FAM13A: variants seen among roughly 807,000 people sequenced by gnomAD.
FAM13A encodes family with sequence similarity 13 member A, also known as protein FAM13A.
A neutral mutation model predicts 129.6 loss-of-function variants in FAM13A; 76 were observed. The ratio of observed to expected loss-of-function variants is 0.59; its 90% CI spans 0.49 to 0.71. FAM13A has a LOEUF of 0.71. Among genes scored for constraint, FAM13A ranks in the 30% least tolerant of loss-of-function variants. FAM13A has a pLI of 0.00. For missense variants in FAM13A, 1,108 were observed against 1,249.3 expected (o/e 0.89, Z 1.70); for synonymous variants, 443 against 449.9 (o/e 0.98, Z 0.20).
At chr4:88,800,454 G>T (rs887717215) in intron 8 of FAM13A, among the ~76,000 whole-genome samples, 1 of 152,114 alleles carries the variant, frequency 6.6e-6, no homozygotes, top group African/African-American at 2.4e-5. Context: ...GGAGGCCGAG[G>T]TGGGCAGATC....
chr4:88,758,786 A>G lies in FAM13A; in HGVS notation c.1694T>C (p.Leu565Pro). 1 of 1,614,070 alleles carries G rather than the reference A, an allele frequency of 6.2e-7. No individual in the cohort carries two copies. Among genetic ancestry groups the G allele is most frequent in the Non-Finnish European group, 8.5e-7 (1 of 1,179,914 alleles). ...GTTCTTTTCATCACACAATGCAGTC[A>G]GGTCCGACTGGGGCACTTCGGAGAC... ...SFVSEVPQSDLTALCDEKNWE... is the reference protein window; with the variant it reads ...SFVSEVPQSDPTALCDEKNWE... Residue 565 changes from leucine (L) to proline (P), a missense_variant, in exon 14 of 24, where the codon CTG becomes CCG. Transcript: ENST00000264344.
In FAM13A at chr4:88,747,665, T is replaced by A. The variant is rs200625659; in HGVS notation, c.2348A>T (p.Lys783Met). ...LESIQRKLQEKRAESSRPEDI... is the reference protein window; with the variant it reads ...LESIQRKLQEMRAESSRPEDI... ...CTCAGGGCGGCTGCTTTCCGCTCGC[T>A]TCTCCTGGAGCTTCCTCTGAATAGA... The change falls in exon 18 of 24, where the codon AAG becomes ATG. Residue 783 changes from lysine to methionine, a missense_variant. Coordinates refer to ENST00000264344, the MANE Select transcript of FAM13A (RefSeq NM_014883.4). The A allele has an allele frequency of 1.5e-5, 25 of 1,614,086 alleles. No individual in the cohort carries two copies. The African/African-American group carries it at 3.1e-4, about 20-fold the overall frequency.
chr4:89,042,950 T>C (rs1161049877), intron 1 of FAM13A, among the ~76,000 whole-genome samples: 2 of 152,220 alleles, frequency 1.3e-5, no homozygotes, highest in African/African-American at 4.8e-5. Context: ...AATAAAAATG[T>C]TGTGTTATCA....
intron 1 of FAM13A, among the ~76,000 whole-genome samples, chr4:89,050,903 G>C (rs1771507557): frequency 1.3e-5 from 2 of 152,040 alleles, no homozygotes. Context: ...TCTCCAGCCT[G>C]GGCAACAGAG....
chr4:89,044,253 A>G (rs973003624), intron 1 of FAM13A, among the ~76,000 whole-genome samples: 1 of 152,216 alleles, frequency 6.6e-6, no homozygotes, highest in Non-Finnish European at 1.5e-5. Context: ...CCAGTTCGAA[A>G]ATGAACAAAG....
At chr4:89,047,083 G>T (rs1770952550) in intron 1 of FAM13A, among the ~76,000 whole-genome samples, 1 of 152,084 alleles carries the variant, frequency 6.6e-6, no homozygotes, top group African/African-American at 2.4e-5. Flanking sequence ...ACAGGGGAAG[G>T]GCAAGTAACA....
chr4:88,788,381 C>T (rs577870817), intron 9 of FAM13A, among the ~76,000 whole-genome samples: 12 of 152,084 alleles, frequency 7.9e-5, no homozygotes, highest in African/African-American at 2.9e-4. Context: ...TTTATGATGC[C>T]TATTATCTAT....
chr4:88,866,509 G>C lies in FAM13A; in HGVS notation c.844-15326C>G, dbSNP rs146280725. On this transcript the variant is annotated intron_variant, in intron 6 of 23. Coordinates refer to ENST00000264344, the MANE Select transcript of FAM13A (RefSeq NM_014883.4). ...TGCTTCTATTTTTGCAATCATCAAAGGGCCAACCTTGCACATAAAATTTGC... is the reference window on the plus strand; with the variant it reads ...TGCTTCTATTTTTGCAATCATCAAACGGCCAACCTTGCACATAAAATTTGC... Among the ~76,000 whole-genome samples, 210 of 152,186 alleles carry C rather than the reference G, an allele frequency of 1.4e-3. 2 individuals are homozygous for C. Among genetic ancestry groups the C allele is most frequent in the African/African-American group, 4.6e-3 (189 of 41,502 alleles).
rs571194106 is a variant in FAM13A at position 88,967,465 on chromosome 4, G to A, written c.605+23508C>T. Among the ~76,000 whole-genome samples the A allele has an allele frequency of 9.1e-4, 139 of 152,196 alleles. 1 individual carries two copies. The highest frequency in any genetic ancestry group is 3.3e-3 in the African/African-American group (135 of 41,520). ...AGTCTAGATAAAATACACCAAATTC[G>A]TTTATGAGCACGTTTATTGGTAAGT... On this transcript the variant is annotated intron_variant, in intron 4 of 23. Coordinates refer to ENST00000264344, the MANE Select transcript of FAM13A (RefSeq NM_014883.4).
intron 2 of FAM13A, among the ~76,000 whole-genome samples, chr4:89,028,924 C>T (rs2149128550): frequency 6.7e-6 from 1 of 150,020 alleles, no homozygotes; most frequent in Non-Finnish European, 1.5e-5. Context: ...GTATAATGTA[C>T]TATATTATTC....
At chr4:88,935,915 A>G (rs1363482465) in intron 5 of FAM13A, among the ~76,000 whole-genome samples, 1 of 149,246 alleles carries the variant, frequency 6.7e-6, no homozygotes, top group African/African-American at 2.5e-5. Flanking sequence ...AGAGACTATC[A>G]GCGAGATCAG....
intron 6 of FAM13A, among the ~76,000 whole-genome samples, chr4:88,896,178 C>G (rs1001936616): frequency 3.3e-5 from 5 of 151,274 alleles, no homozygotes; most frequent in East Asian, 1.9e-4. Context: ...GAACAAAAAA[C>G]CAAACACCGC....
chr4:88,947,372 G>A (rs1260129323), intron 4 of FAM13A, among the ~76,000 whole-genome samples: 2 of 152,178 alleles, frequency 1.3e-5, no homozygotes, highest in East Asian at 3.9e-4. Flanking sequence ...TCGCGCCACT[G>A]CATTCTAACT....
intron 19 of FAM13A, among the ~76,000 whole-genome samples, chr4:88,739,669 T>C (rs1739784628): frequency 6.7e-6 from 1 of 149,118 alleles, no homozygotes; most frequent in Non-Finnish European, 1.5e-5. Flanking sequence ...GTGCCTGTAG[T>C]CCCAGCTATG....
chr4:88,853,949 C>A (rs1738056080), intron 6 of FAM13A, among the ~76,000 whole-genome samples: 1 of 152,176 alleles, frequency 6.6e-6, no homozygotes. Context: ...TGGACTTACA[C>A]CAGTGGTTTG....
At position 88,857,628 on chromosome 4, in the gene FAM13A, CAA is replaced by C. The variant is rs1177788248; in HGVS notation, c.844-6447_844-6446del. ...TGGGCAACAGAGCAAGATTCTGCCTCAAAAAAAAAAAAAAAAAAAAAGCTTAT... is the reference window on the plus strand; with the variant it reads ...TGGGCAACAGAGCAAGATTCTGCCTCAAAAAAAAAAAAAAAAAAAGCTTAT... On this transcript the variant is annotated intron_variant, in intron 6 of 23. Coordinates refer to ENST00000264344, the MANE Select transcript of FAM13A (RefSeq NM_014883.4). Among the ~76,000 whole-genome samples, 120 of 58,550 alleles carry C rather than the reference CAA, an allele frequency of 2.0e-3. 1 individual carries two copies. Among genetic ancestry groups the C allele is most frequent in the African/African-American group, 6.8e-3 (106 of 15,698 alleles). The allele number at this position is 58,550 out of a possible 152,430, so 38.4% of individuals were successfully genotyped here. A position where few individuals can be genotyped will look rare whatever the true frequency, so the allele number is the denominator to read the frequency against.
In FAM13A at chr4:88,947,229, TA is replaced by T. The variant is rs565459695; in HGVS notation, c.606-8989del. On this transcript the variant is annotated intron_variant, in intron 4 of 23. Transcript: ENST00000264344. ...TTCAAGACCAGGCTGGCCAACATGG[TA>T]AAACCCTGTCTCTACCAAAAAATAT... is the stretch of plus-strand genomic sequence containing the variant. Among the ~76,000 whole-genome samples the T allele has an allele frequency of 1.3e-3, 196 of 152,150 alleles. 2 individuals carry two copies. Among genetic ancestry groups the T allele is most frequent in the African/African-American group, 4.2e-3 (174 of 41,508 alleles).
intron 1 of FAM13A, among the ~76,000 whole-genome samples, chr4:89,033,278 G>A (rs189246801): frequency 6.6e-6 from 1 of 152,278 alleles, no homozygotes; most frequent in East Asian, 1.9e-4. Flanking sequence ...AGTCTTTAGT[G>A]TCTATGCCAG....
chr4:88,856,774 A>G (rs913239078), intron 6 of FAM13A, among the ~76,000 whole-genome samples: 6 of 152,218 alleles, frequency 3.9e-5, no homozygotes, highest in Non-Finnish European at 7.3e-5. Flanking sequence ...TGTCACTTGT[A>G]TGGAAGATGG....
Sources: gnomAD v4.1 joint callset for allele counts (sites outside exome capture counted in the v4.1 genomes callset) on GRCh38, gnomAD v4.1.1 for gene constraint, MANE v1.5 for transcripts, NCBI Gene and HGNC (gene_info 2026-07-23, HGNC 2026-07-21) for gene names.